UNC5D: variants seen among roughly 807,000 people sequenced by gnomAD.
UNC5D encodes netrin receptor UNC5D.
In UNC5D, 39 loss-of-function variants were observed where a neutral mutation model predicts 105.4. The observed-to-expected ratio is 0.37, with a 90% confidence interval of 0.29 to 0.48. UNC5D has a LOEUF of 0.48. Ranked by LOEUF, UNC5D falls within the 20% of genes least tolerant of loss-of-function variation. UNC5D has a pLI of 0.98. For synonymous variants in UNC5D, 452 were observed against 450.4 expected, an observed-to-expected ratio of 1.00 and a Z score of -0.04; for missense variants, 991 against 1,202.4, an observed-to-expected ratio of 0.82 and a Z score of 2.60.
chr8:35,710,499 G>A (rs1322995010), intron 8 of UNC5D, among the ~76,000 whole-genome samples: 6 of 152,138 alleles, frequency 3.9e-5, no homozygotes, highest in Non-Finnish European at 7.4e-5. Flanking sequence ...GTAGACAGCC[G>A]ACGTTGGCCA....
rs1813957504 is a variant in UNC5D, at chr8:35,527,484, TTTC to T, written c.104-21802_104-21800del. The stretch of plus-strand genomic sequence containing the variant: ...CAGCTTCCTTGTTAGCAGATGGCTG[TTTC>T]TTCTTTGTGCTCTCACATTAGGGAG... On this transcript the variant is annotated intron_variant, in intron 1 of 16. Transcript: ENST00000404895. Among the ~76,000 whole-genome samples, 4 of 152,318 alleles carry T rather than the reference TTTC, an allele frequency of 2.6e-5. No individual in the cohort carries two copies. The South Asian group carries it at 8.3e-4, about 32-fold the overall frequency.
intron 11 of UNC5D, among the ~76,000 whole-genome samples, chr8:35,747,399 T>C (rs1489563829): frequency 6.6e-6 from 1 of 152,210 alleles, no homozygotes; most frequent in Non-Finnish European, 1.5e-5. Flanking sequence ...ATGGTATCTT[T>C]TAGCACTAAA....
At chr8:35,631,637 C>G (rs1342337748) in intron 4 of UNC5D, among the ~76,000 whole-genome samples, 1 of 152,160 alleles carries the variant, frequency 6.6e-6, no homozygotes, top group Non-Finnish European at 1.5e-5. Context: ...AGCAAGTAGT[C>G]CGAACAGAGT....
At chr8:35,395,646 C>T (rs1383487249) in intron 1 of UNC5D, among the ~76,000 whole-genome samples, 1 of 152,178 alleles carries the variant, frequency 6.6e-6, no homozygotes, top group Non-Finnish European at 1.5e-5. Flanking sequence ...GCTCAGAACT[C>T]ACTTCTCTGT....
intron 1 of UNC5D, among the ~76,000 whole-genome samples, chr8:35,409,626 A>G (rs1179643534): frequency 2.0e-5 from 3 of 151,892 alleles, no homozygotes; most frequent in Non-Finnish European, 4.4e-5. Context: ...GGAGTTCTTT[A>G]TACATTCTGA....
At chr8:35,448,908 A>G (rs1176373003) in intron 1 of UNC5D, among the ~76,000 whole-genome samples, 3 of 152,090 alleles carry the variant, frequency 2.0e-5, no homozygotes. Context: ...AATGGCCTCC[A>G]GTTCCATCCA....
chr8:35,668,389 C>T (rs766055079), intron 4 of UNC5D, among the ~76,000 whole-genome samples: 9 of 152,180 alleles, frequency 5.9e-5, no homozygotes, highest in East Asian at 3.9e-4. Context: ...GTTGGTATAA[C>T]GACACTTTGT....
At chr8:35,289,315 G>T (rs992221441) in intron 1 of UNC5D, among the ~76,000 whole-genome samples, 2 of 152,174 alleles carry the variant, frequency 1.3e-5, no homozygotes, top group African/African-American at 4.8e-5. Flanking sequence ...CATAAAAGTT[G>T]TAAATATATG....
intron 3 of UNC5D, among the ~76,000 whole-genome samples, chr8:35,587,833 C>T (rs1446704547): frequency 6.6e-6 from 1 of 151,338 alleles, no homozygotes; most frequent in Non-Finnish European, 1.5e-5. Flanking sequence ...GAAAGTAATC[C>T]ATATTCATTA....
chr8:35,674,909 G>A (rs1032378197), intron 4 of UNC5D, among the ~76,000 whole-genome samples: 2 of 152,130 alleles, frequency 1.3e-5, no homozygotes, highest in African/African-American at 4.8e-5. Flanking sequence ...AGTTTATGCA[G>A]GGAGTGATCA....
At chr8:35,253,123 C>CGT (rs369913412) in intron 1 of UNC5D, among the ~76,000 whole-genome samples, 5 of 148,950 alleles carry the variant, frequency 3.4e-5, no homozygotes, top group Admixed American at 6.7e-5. Flanking sequence ...TGTGTGTGTG[C>CGT]GTGTGTGTGT....
At chr8:35,431,129 G>A (rs1268643908) in intron 1 of UNC5D, among the ~76,000 whole-genome samples, 1 of 152,084 alleles carries the variant, frequency 6.6e-6, no homozygotes, top group Admixed American at 6.6e-5. Flanking sequence ...AGATAAACCA[G>A]GAATCTTTAT....
At chr8:35,249,317 G>A (rs1357128117) in intron 1 of UNC5D, among the ~76,000 whole-genome samples, 1 of 149,482 alleles carries the variant, frequency 6.7e-6, no homozygotes, top group African/African-American at 2.4e-5. Flanking sequence ...CAGCACTTTG[G>A]GAAGCCAAGG....
At chr8:35,392,582 C>G (rs1307885636) in intron 1 of UNC5D, among the ~76,000 whole-genome samples, 1 of 152,176 alleles carries the variant, frequency 6.6e-6, no homozygotes, top group Non-Finnish European at 1.5e-5. Context: ...AAAGTTACAC[C>G]TCTGTCTTTC....
intron 1 of UNC5D, among the ~76,000 whole-genome samples, chr8:35,425,930 T>C (rs1806221540): frequency 6.6e-6 from 1 of 152,174 alleles, no homozygotes; most frequent in South Asian, 2.1e-4. Context: ...AAAAACCATC[T>C]GGTTTAGGCA....
chr8:35,679,658 G>T lies in UNC5D; in HGVS notation c.571-3889G>T, dbSNP rs187458786. Among the ~76,000 whole-genome samples, 4 of 152,248 alleles carry T rather than the reference G, an allele frequency of 2.6e-5. No homozygotes were observed. The East Asian group carries it at 7.7e-4, about 29-fold the overall frequency. ...TGATCTCAAGCTAGAAAGTGGCGTG[G>T]TCTCATCCCTTTGTAGAAAATCAAC... On this transcript the variant is annotated intron_variant, in intron 4 of 16. Transcript: ENST00000404895.
intron 4 of UNC5D, among the ~76,000 whole-genome samples, chr8:35,649,463 A>G (rs568380278): frequency 9.2e-5 from 14 of 152,332 alleles, no homozygotes; most frequent in East Asian, 3.9e-4. Context: ...AGATTATCCA[A>G]TGAGAATTTT....
chr8:35,677,133 T>C (rs1388129429), intron 4 of UNC5D, among the ~76,000 whole-genome samples: 1 of 152,064 alleles, frequency 6.6e-6, no homozygotes, highest in Non-Finnish European at 1.5e-5. Context: ...ATTCCTATAA[T>C]TTCTGATGCT....
intron 1 of UNC5D, among the ~76,000 whole-genome samples, chr8:35,521,756 T>A (rs547824961): frequency 2.0e-5 from 3 of 152,320 alleles, no homozygotes; most frequent in Admixed American, 6.5e-5. Flanking sequence ...TTCCGAAGTG[T>A]TCCTAGTGAC....
Sources: allele counts gnomAD v4.1 joint callset (sites outside exome capture counted in the v4.1 genomes callset), GRCh38; gene constraint gnomAD v4.1.1; transcripts MANE v1.5; gene names NCBI Gene and HGNC (gene_info 2026-07-23, HGNC 2026-07-21).